The following CA8 variants were observed in gnomAD, a reference collection of about 807,000 sequenced individuals.
CA8 encodes carbonic anhydrase 8 (inactive), also known as carbonic anhydrase-related protein.
Under a neutral mutation model 41.4 loss-of-function variants are expected in CA8, and 22 were observed. The ratio of observed to expected loss-of-function variants is 0.53; its 90% CI spans 0.38 to 0.76. The LOEUF (loss-of-function observed/expected upper bound fraction) is 0.76. Among genes scored for constraint, CA8 ranks in the 30% least tolerant of loss-of-function variants. CA8 has a pLI of 0.00. For synonymous variants in CA8, 121 were observed against 130.6 expected, an observed-to-expected ratio of 0.93 and a Z score of 0.50; for missense variants, 270 against 352.8, an observed-to-expected ratio of 0.77 and a Z score of 1.88.
chr8:60,248,601 A>G (rs1808334048), intron 3 of CA8, among the ~76,000 whole-genome samples: 1 of 152,156 alleles, frequency 6.6e-6, no homozygotes. Context: ...GTTCCACTCC[A>G]TCAGTCTATA....
intron 7 of CA8, among the ~76,000 whole-genome samples, chr8:60,221,763 G>T (rs1343111832): frequency 6.6e-6 from 1 of 152,122 alleles, no homozygotes; most frequent in Non-Finnish European, 1.5e-5. Context: ...GAAATAAAGA[G>T]AAATTATTAA....
chr8:60,255,271 C>T (rs1808591827), intron 3 of CA8, among the ~76,000 whole-genome samples: 1 of 151,742 alleles, frequency 6.6e-6, no homozygotes, highest in Admixed American at 6.6e-5. Context: ...CTTTCCCGCC[C>T]CCGCCTAATT....
At chr8:60,220,780 C>G (rs1232107696) in intron 7 of CA8, among the ~76,000 whole-genome samples, 1 of 152,110 alleles carries the variant, frequency 6.6e-6, no homozygotes, top group Non-Finnish European at 1.5e-5. Flanking sequence ...CCAGCCTCCC[C>G]CGCCGTTAGG....
At chr8:60,264,281 A>G (rs1449021154) in intron 3 of CA8, among the ~76,000 whole-genome samples, 2 of 152,148 alleles carry the variant, frequency 1.3e-5, no homozygotes, top group African/African-American at 4.8e-5. Context: ...TCGCCTCCCC[A>G]TTTACAGCTA....
intron 2 of CA8, among the ~76,000 whole-genome samples, chr8:60,268,044 C>T (rs546072042): frequency 6.6e-6 from 1 of 152,114 alleles, no homozygotes; most frequent in East Asian, 1.9e-4. Flanking sequence ...GTGTACCCCA[C>T]CTCCCAAACC....
intron 3 of CA8, among the ~76,000 whole-genome samples, chr8:60,252,390 T>A (rs531510268): frequency 6.6e-6 from 1 of 152,342 alleles, no homozygotes; most frequent in East Asian, 1.9e-4. Flanking sequence ...GTTAAGACCA[T>A]CGGACTTTAA....
At chr8:60,245,229 T>TA (rs1808187177) in intron 3 of CA8, among the ~76,000 whole-genome samples, 2 of 151,342 alleles carry the variant, frequency 1.3e-5, no homozygotes, top group Admixed American at 1.3e-4. Flanking sequence ...TTTGATGGGC[T>TA]AAAAAAACAA....
intron 8 of CA8, among the ~76,000 whole-genome samples, chr8:60,192,633 A>G (rs1451814453): frequency 6.6e-6 from 1 of 152,092 alleles, no homozygotes; most frequent in East Asian, 1.9e-4. Context: ...CACTCAGAAA[A>G]TGTGTGTGTG....
At chr8:60,281,003 G>A in intron 1 of CA8, 45 bp downstream of exon 1, 1 of 1,448,746 alleles carries the variant, frequency 6.9e-7, no homozygotes, top group South Asian at 1.1e-5. Context: ...GCGAGACACT[G>A]ACGCCGCCGC....
Position 60,186,505 on chromosome 8 carries a change from TACAAG to T in CA8, c.*3511_*3515del, listed in dbSNP as rs1257608952. Among the ~76,000 whole-genome samples the T allele has an allele frequency of 6.6e-5, 10 of 151,162 alleles. No homozygotes were observed. Among genetic ancestry groups the T allele is most frequent in the Non-Finnish European group, 1.5e-4 (10 of 67,654 alleles). ...GAATAAAGGAACAACAACAAAAAGA[TACAAG>T]ACATGTGGAAAACAAAAAGTAAAAT... On this transcript the variant is annotated 3_prime_UTR_variant, in exon 9 of 9. Coordinates refer to ENST00000317995, the MANE Select transcript of CA8 (RefSeq NM_004056.6).
At chr8:60,280,095 C>T (rs1804362043) in intron 1 of CA8, among the ~76,000 whole-genome samples, 1 of 152,080 alleles carries the variant, frequency 6.6e-6, no homozygotes, top group African/African-American at 2.4e-5. Context: ...CCCGGACTAG[C>T]AAAATATTCT....
At position 60,189,903 on chromosome 8, in the gene CA8, G is replaced by T. The variant is rs557342750; in HGVS notation, c.*118C>A. 6.6e-6 allele frequency: 1 copy of T among 151,798 alleles called. No individual in the cohort carries two copies. Among genetic ancestry groups the T allele is most frequent in the Admixed American group, 6.6e-5 (1 of 15,180 alleles). The allele number at this position is 151,798 out of a possible 1,614,324, so 9.4% of individuals were successfully genotyped here. On this transcript the variant is annotated 3_prime_UTR_variant, in exon 9 of 9. Transcript: ENST00000317995. Reference sequence around the variant, plus strand: ...GCTGGATTAGATGAAGACAAACAACGCAGGCTTTGAGGATAAACTGAAGGT... The same window carrying T: ...GCTGGATTAGATGAAGACAAACAACTCAGGCTTTGAGGATAAACTGAAGGT...
In CA8 at chr8:60,232,296, A is replaced by G; in HGVS notation, c.501T>C (p.Ala167=). 6.2e-7 allele frequency: 1 copy of G among 1,612,278 alleles called. No homozygotes were observed. The highest frequency in any genetic ancestry group is 8.5e-7 in the Non-Finnish European group (1 of 1,178,274). Residue 167 remains alanine, a synonymous_variant, in exon 4 of 9, where the codon GCT becomes GCC. Transcript: ENST00000317995. ...VGKPHGIAII[A]LFVQIGKEHV... ...GCAGACCGTTTACCTGAACAAACAG[A>G]GCAATGATGGCGATTCCGTGCGGCT... is the stretch of plus-strand genomic sequence containing the variant.
chr8:60,213,651 G>A (rs1450879819), intron 7 of CA8, among the ~76,000 whole-genome samples: 1 of 152,098 alleles, frequency 6.6e-6, no homozygotes, highest in Non-Finnish European at 1.5e-5. Context: ...AATAAGGAGA[G>A]AAATCTCATC....
At chr8:60,220,566 C>A (rs1220286231) in intron 7 of CA8, among the ~76,000 whole-genome samples, 1 of 152,134 alleles carries the variant, frequency 6.6e-6, no homozygotes, top group Non-Finnish European at 1.5e-5. Context: ...TGGCAACACT[C>A]CCTCCCTGTT....
chr8:60,220,830 C>A (rs976068040), intron 7 of CA8, among the ~76,000 whole-genome samples: 8 of 152,168 alleles, frequency 5.3e-5, no homozygotes, highest in Non-Finnish European at 8.8e-5. Context: ...AAAGCAAGCA[C>A]AAGTGGAGCT....
chr8:60,191,729 T>C (rs1388588633), intron 8 of CA8, among the ~76,000 whole-genome samples: 1 of 152,116 alleles, frequency 6.6e-6, no homozygotes, highest in African/African-American at 2.4e-5. Context: ...GAAATTTCAT[T>C]ATAAAGAATA....
intron 3 of CA8, among the ~76,000 whole-genome samples, chr8:60,233,379 C>G (rs912532527): frequency 6.6e-6 from 1 of 151,954 alleles, no homozygotes; most frequent in African/African-American, 2.4e-5. Context: ...CTGAATTTAC[C>G]CAGGTAGAAT....
intron 8 of CA8, among the ~76,000 whole-genome samples, chr8:60,204,454 T>C (rs1234325529): frequency 6.6e-6 from 1 of 152,242 alleles, no homozygotes; most frequent in South Asian, 2.1e-4. Context: ...TGATAAATTA[T>C]TAACATTTCT....
Sources: allele counts gnomAD v4.1 joint callset (sites outside exome capture counted in the v4.1 genomes callset), GRCh38; gene constraint gnomAD v4.1.1; transcripts MANE v1.5; gene names NCBI Gene and HGNC (gene_info 2026-07-23, HGNC 2026-07-21).